REEP1: variants seen among roughly 807,000 people sequenced by gnomAD.
REEP1 encodes receptor expression-enhancing protein 1.
A neutral mutation model predicts 40.3 loss-of-function variants in REEP1; 22 were observed. That is an observed-to-expected ratio of 0.55 (90% CI 0.39 to 0.78). The LOEUF is 0.78. REEP1 is among the 30% of genes least tolerant of loss of function. The probability of loss-of-function intolerance (pLI) is 0.00; values close to 1 mark genes in which losing one functional copy is unlikely to be tolerated. For synonymous variants in REEP1, 116 were observed against 139.2 expected (o/e 0.83, Z 1.17); for missense variants, 280 against 361.1 (o/e 0.78, Z 1.82).
rs185957213 is a variant in REEP1, at chr2:86,290,796, C to T, written c.33-8554G>A. Among the ~76,000 whole-genome samples, 22 of 152,290 alleles carry T rather than the reference C, an allele frequency of 1.4e-4. No homozygotes were observed. In the East Asian group the frequency reaches 1.5e-3, roughly 11 times the overall value. ...GCTTAATCTGGGAAAAGAGATCCTC[C>T]GTCTGAGCACACAGCTCAGGTTCCC... On this transcript the variant is annotated intron_variant, in intron 1 of 8. Coordinates refer to ENST00000538924, the MANE Select transcript of REEP1 (RefSeq NM_001371279.1).
intron 2 of REEP1, among the ~76,000 whole-genome samples, chr2:86,275,578 T>C (rs1677715813): frequency 6.6e-6 from 1 of 152,190 alleles, no homozygotes; most frequent in South Asian, 2.1e-4. Context: ...GCCCACACCT[T>C]GGAGCCTGCT....
chr2:86,249,330 A>C (rs1362647655), intron 5 of REEP1, among the ~76,000 whole-genome samples: 1 of 152,104 alleles, frequency 6.6e-6, no homozygotes, highest in Non-Finnish European at 1.5e-5. Flanking sequence ...ATTTTGGAGA[A>C]ATAAACACCG....
At chr2:86,335,340 G>A (rs1680960490) in intron 1 of REEP1, among the ~76,000 whole-genome samples, 1 of 151,814 alleles carries the variant, frequency 6.6e-6, no homozygotes, top group Admixed American at 6.6e-5. Context: ...ATTAGGGACT[G>A]GGGGATAAGT....
At chr2:86,306,068 C>CT (rs915420686) in intron 1 of REEP1, among the ~76,000 whole-genome samples, 1 of 152,128 alleles carries the variant, frequency 6.6e-6, no homozygotes, top group African/African-American at 2.4e-5. Context: ...AACTGCCAAA[C>CT]TTTTTTTTAA....
At chr2:86,335,248 G>A (rs1269762194) in intron 1 of REEP1, among the ~76,000 whole-genome samples, 1 of 152,070 alleles carries the variant, frequency 6.6e-6, no homozygotes, top group Non-Finnish European at 1.5e-5. Context: ...AACAAATATT[G>A]TCTTCATGAA....
At chr2:86,305,406 C>T (rs1188889390) in intron 1 of REEP1, among the ~76,000 whole-genome samples, 1 of 152,238 alleles carries the variant, frequency 6.6e-6, no homozygotes, top group Non-Finnish European at 1.5e-5. Context: ...GCTGAGCAAG[C>T]TCAGCATCCA....
At chr2:86,264,069 G>A (rs769157193) in intron 2 of REEP1, 28 bp from the exon 3 acceptor site, 3 of 1,569,158 alleles carry the variant, frequency 1.9e-6, no homozygotes, top group Non-Finnish European at 2.6e-6. Flanking sequence ...AACACAGCTG[G>A]TAGAAAAGGT....
intron 1 of REEP1, chr2:86,297,845 A>G (rs765081619): frequency 8.3e-6 from 3 of 362,856 alleles, no homozygotes; most frequent in Non-Finnish European, 1.1e-5. Flanking sequence ...CCCTCTCAAA[A>G]TAAAAAGAGA....
chr2:86,290,755 C>T (rs1487097604), intron 1 of REEP1, among the ~76,000 whole-genome samples: 2 of 152,326 alleles, frequency 1.3e-5, no homozygotes, highest in South Asian at 2.1e-4. Context: ...TCGTCACTCA[C>T]GATGGTTCTC....
chr2:86,214,937 G>A lies in REEP1; in HGVS notation c.*2102C>T, dbSNP rs1216559907. 1.4e-5 allele frequency: 2 copies of A among 147,370 alleles called. No individual in the cohort carries two copies. The highest frequency in any genetic ancestry group is 5.0e-5 in the African/African-American group (2 of 40,064). 9.1% of individuals were successfully genotyped at this position (147,370 alleles called of 1,614,324 possible). Reference sequence around the variant, plus strand: ...CCATTGTAAAATGGCGAAAATATAGGTTGTTCACGATAGGATTTTAAACTG... The same window carrying A: ...CCATTGTAAAATGGCGAAAATATAGATTGTTCACGATAGGATTTTAAACTG... On this transcript the variant is annotated 3_prime_UTR_variant, in exon 9 of 9. Coordinates refer to ENST00000538924, the MANE Select transcript of REEP1 (RefSeq NM_001371279.1).
chr2:86,321,414 T>C (rs1680265437), intron 1 of REEP1, among the ~76,000 whole-genome samples: 1 of 152,126 alleles, frequency 6.6e-6, no homozygotes, highest in Admixed American at 6.6e-5. Flanking sequence ...ACATCCAATA[T>C]TACACACACT....
intron 3 of REEP1, among the ~76,000 whole-genome samples, chr2:86,255,453 G>A (rs1676506095): frequency 6.6e-6 from 1 of 152,160 alleles, no homozygotes; most frequent in African/African-American, 2.4e-5. Flanking sequence ...AGTCCACGGT[G>A]CAGATAGCAC....
chr2:86,294,008 T>C (rs557303620), intron 1 of REEP1, among the ~76,000 whole-genome samples: 102 of 152,308 alleles, frequency 6.7e-4, no homozygotes, highest in South Asian at 3.9e-3. Context: ...TATGCTAAGT[T>C]AAATGGGCCA....
At chr2:86,282,124 G>T in intron 2 of REEP1, 46 bp downstream of exon 2, 1 of 1,340,456 alleles carries the variant, frequency 7.5e-7, no homozygotes, top group South Asian at 1.2e-5. Context: ...TTTCACACCT[G>T]ACCTGACTCC....
At chr2:86,226,830 G>A (rs1454633799) in intron 7 of REEP1, among the ~76,000 whole-genome samples, 2 of 152,054 alleles carry the variant, frequency 1.3e-5, no homozygotes, top group South Asian at 2.1e-4. Context: ...TTCAAGAGGT[G>A]GAGATTAATT....
intron 4 of REEP1, among the ~76,000 whole-genome samples, chr2:86,252,521 G>A (rs963793033): frequency 1.7e-4 from 26 of 152,258 alleles, no homozygotes; most frequent in Non-Finnish European, 3.5e-4. Flanking sequence ...TCTGAAAAAC[G>A]AGGATAATGA....
intron 5 of REEP1, chr2:86,240,097 AG>A (rs1675592973): frequency 2.0e-5 from 3 of 152,634 alleles, no homozygotes; most frequent in Admixed American, 2.0e-4. Flanking sequence ...AGGAGAAAAA[AG>A]CCATGGGCAC....
Position 86,214,325 on chromosome 2 carries a change from A to G in REEP1, c.*2714T>C, listed in dbSNP as rs1247677172. The G allele has an allele frequency of 1.3e-5, 2 of 152,710 alleles. No homozygotes were observed. Among genetic ancestry groups the G allele is most frequent in the East Asian group, 3.8e-4 (2 of 5,200 alleles). The allele number at this position is 152,710 out of a possible 1,614,324, so 9.5% of individuals were successfully genotyped here. On this transcript the variant is annotated 3_prime_UTR_variant, in exon 9 of 9. Coordinates refer to ENST00000538924, the MANE Select transcript of REEP1 (RefSeq NM_001371279.1). ...GCACTCTTATCACAAACACATGGAT[A>G]GCTTATCACGGAGAACACATTTCAA...
At chr2:86,243,279 C>G (rs1394594421) in intron 5 of REEP1, among the ~76,000 whole-genome samples, 1 of 152,160 alleles carries the variant, frequency 6.6e-6, no homozygotes, top group Non-Finnish European at 1.5e-5. Flanking sequence ...CATGTCACCA[C>G]AGCCAAGAGA....
Sources: allele counts gnomAD v4.1 joint callset (sites outside exome capture counted in the v4.1 genomes callset), GRCh38; gene constraint gnomAD v4.1.1; transcripts MANE v1.5; gene names NCBI Gene and HGNC (gene_info 2026-07-23, HGNC 2026-07-21).